Variants in RAD51B observed in about 807,000 individuals in gnomAD.
RAD51B encodes the protein DNA repair protein RAD51 homolog 2.
A neutral mutation model predicts 42.2 loss-of-function variants in RAD51B; 38 were observed. The ratio of observed to expected loss-of-function variants is 0.90; its 90% CI spans 0.70 to 1.18. The LOEUF (loss-of-function observed/expected upper bound fraction) is 1.18. Among genes scored for constraint, RAD51B ranks in the 50% most tolerant of loss-of-function variants. RAD51B has a pLI of 0.00. For missense variants in RAD51B, 373 were observed against 400.7 expected (o/e 0.93, Z 0.59); for synonymous variants, 154 against 145.2 (o/e 1.06, Z -0.43).
intron 7 of RAD51B, among the ~76,000 whole-genome samples, chr14:68,022,388 G>A (rs952150478): frequency 2.6e-5 from 4 of 152,166 alleles, no homozygotes; most frequent in African/African-American, 9.7e-5. Flanking sequence ...TCCTGGTGAT[G>A]AACATATGAG....
intron 7 of RAD51B, among the ~76,000 whole-genome samples, chr14:68,072,500 T>C (rs1460146666): frequency 6.6e-6 from 1 of 152,042 alleles, no homozygotes; most frequent in Non-Finnish European, 1.5e-5. Context: ...CTGCTTTACA[T>C]TCGCTGGCAG....
Position 67,823,709 on chromosome 14 carries a change from T to C in RAD51B, c.84+82T>C, listed in dbSNP as rs28604984. ...CTTAATACCTCTTAAACTTGAAATATGAAAATGTAGGCTTACAAAAAAAAG... is the reference window on the plus strand; with the variant it reads ...CTTAATACCTCTTAAACTTGAAATACGAAAATGTAGGCTTACAAAAAAAAG... On this transcript the variant is annotated intron_variant, in intron 2 of 10. Transcript: ENST00000471583. The C allele has an allele frequency of 0.32, 329,816 of 1,017,120 alleles. 56,732 individuals carry two copies. The highest frequency in any genetic ancestry group is 0.35 in the Middle Eastern group (1,619 of 4,610). 63.0% of individuals were successfully genotyped at this position (1,017,120 alleles called of 1,614,324 possible). A position where few individuals can be genotyped will look rare whatever the true frequency, so the allele number is the denominator to read the frequency against.
At chr14:68,282,370 A>G (rs988718947) in intron 7 of RAD51B, among the ~76,000 whole-genome samples, 1 of 152,216 alleles carries the variant, frequency 6.6e-6, no homozygotes, top group Non-Finnish European at 1.5e-5. Flanking sequence ...CTCCAAGGGC[A>G]TCACCGTGGG....
chr14:68,012,481 G>A (rs2075701483), intron 7 of RAD51B, among the ~76,000 whole-genome samples: 1 of 151,852 alleles, frequency 6.6e-6, no homozygotes, highest in African/African-American at 2.4e-5. Context: ...AGCCCTCAAA[G>A]TCTAAAATAT....
chr14:68,484,889 G>C (rs547581740), intron 10 of RAD51B, among the ~76,000 whole-genome samples: 56 of 152,294 alleles, frequency 3.7e-4, no homozygotes, highest in Non-Finnish European at 5.9e-5. Flanking sequence ...CAAAACTTCA[G>C]TTTGCACATG....
chr14:68,432,171 C>A (rs1262822053), intron 9 of RAD51B, among the ~76,000 whole-genome samples: 1 of 152,160 alleles, frequency 6.6e-6, no homozygotes, highest in African/African-American at 2.4e-5. Flanking sequence ...TTACTTCCAA[C>A]TATGTGGTCA....
intron 7 of RAD51B, among the ~76,000 whole-genome samples, chr14:68,148,324 CT>C (rs1566682419): frequency 1.3e-5 from 2 of 152,048 alleles, no homozygotes; most frequent in Non-Finnish European, 2.9e-5. Context: ...GGTATGCTTT[CT>C]TTTTTATTGG....
At chr14:68,359,125 T>C (rs2082967499) in intron 8 of RAD51B, among the ~76,000 whole-genome samples, 1 of 152,026 alleles carries the variant, frequency 6.6e-6, no homozygotes, top group Admixed American at 6.5e-5. Flanking sequence ...AATGGAGTTT[T>C]ACTGCATCCT....
chr14:67,831,057 A>G (rs2041024113), intron 3 of RAD51B, among the ~76,000 whole-genome samples: 1 of 132,388 alleles, frequency 7.6e-6, no homozygotes, highest in Admixed American at 7.2e-5. Flanking sequence ...TTATATTTTT[A>G]GTAGAGACGG....
intron 10 of RAD51B, among the ~76,000 whole-genome samples, chr14:68,629,169 G>A (rs145041377): frequency 5.4e-4 from 82 of 152,296 alleles, no homozygotes; most frequent in Middle Eastern, 3.4e-3. Flanking sequence ...CCCTCCTGAG[G>A]TTGGGACATT....
intron 7 of RAD51B, among the ~76,000 whole-genome samples, chr14:67,901,897 C>T (rs375063112): frequency 4.4e-4 from 66 of 151,628 alleles, no homozygotes; most frequent in African/African-American, 1.2e-3. Context: ...ACAGTGGAGA[C>T]TGGGAAGGGT....
intron 10 of RAD51B, among the ~76,000 whole-genome samples, chr14:68,604,141 CCGT>C (rs1891339502): frequency 6.6e-6 from 1 of 152,190 alleles, no homozygotes; most frequent in Admixed American, 6.5e-5. Flanking sequence ...GCTGGGGAGT[CCGT>C]CTAGAAAGTC....
intron 7 of RAD51B, among the ~76,000 whole-genome samples, chr14:68,172,718 T>C (rs1268648907): frequency 6.6e-6 from 1 of 152,206 alleles, no homozygotes; most frequent in Non-Finnish European, 1.5e-5. Flanking sequence ...CCTTTCTCAT[T>C]CAATTATTTT....
intron 9 of RAD51B, chr14:68,422,183 G>A (rs528380896): frequency 8.4e-7 from 1 of 1,196,800 alleles, no homozygotes; most frequent in African/African-American, 1.5e-5. Flanking sequence ...AAAGAACATG[G>A]TGGGGTTGAC....
At chr14:68,466,537 C>T (rs1490203847) in intron 9 of RAD51B, among the ~76,000 whole-genome samples, 1 of 152,244 alleles carries the variant, frequency 6.6e-6, no homozygotes, top group South Asian at 2.1e-4. Flanking sequence ...GTGGGAGACA[C>T]TGATGCTCTC....
At chr14:68,063,772 C>T (rs1278281431) in intron 7 of RAD51B, among the ~76,000 whole-genome samples, 1 of 152,086 alleles carries the variant, frequency 6.6e-6, no homozygotes, top group African/African-American at 2.4e-5. Flanking sequence ...TGTCAGGCAC[C>T]TCCTCTTGTA....
intron 11 of RAD51B, among the ~76,000 whole-genome samples, chr14:68,656,509 C>T (rs556176707): frequency 1.3e-5 from 2 of 152,268 alleles, no homozygotes; most frequent in South Asian, 2.1e-4. Flanking sequence ...GAGATTGCCA[C>T]CCCTCCCAGC....
Position 68,584,033 on chromosome 14 carries a change from G to T in RAD51B, c.1037-10452G>T, listed in dbSNP as rs571640063. On this transcript the variant is annotated intron_variant, in intron 10 of 10. Coordinates refer to the RAD51B transcript ENST00000487270. ...GAAAACCGGAGGAAGGAGCTTTAAAGGTTTCCTAGAAGAGTCCTCCAGATG... is the reference window on the plus strand; with the variant it reads ...GAAAACCGGAGGAAGGAGCTTTAAATGTTTCCTAGAAGAGTCCTCCAGATG... Among the ~76,000 whole-genome samples, 31 of 152,186 alleles carry T rather than the reference G, an allele frequency of 2.0e-4. No individual in the cohort carries two copies. The East Asian group carries it at 4.6e-3, about 23-fold the overall frequency.
At chr14:68,137,169 G>A (rs116990554) in intron 7 of RAD51B, among the ~76,000 whole-genome samples, 2,085 of 152,166 alleles carry the variant, frequency 0.014, 21 homozygotes, top group African/African-American at 0.019. Context: ...CCAGCTAGTC[G>A]GGAGGCTGAG....
Sources: allele counts gnomAD v4.1 joint callset (sites outside exome capture counted in the v4.1 genomes callset), GRCh38; gene constraint gnomAD v4.1.1; transcripts MANE v1.5; gene names NCBI Gene and HGNC (gene_info 2026-07-23, HGNC 2026-07-21).